Variants in GCNT3 observed in about 807,000 individuals in gnomAD.
The protein encoded by GCNT3 is glucosaminyl (N-acetyl) transferase 3, mucin type.
For missense variants in GCNT3, 708 were observed against 530.3 expected (o/e 1.34, Z -3.29); for synonymous variants, 269 against 195.2 (o/e 1.38, Z -3.15).
rs1890950079 is a variant in GCNT3, at chr15:59,622,266, T to A, written c.*2711T>A. 1 of 150,632 alleles carries A rather than the reference T, an allele frequency of 6.6e-6. No individual in the cohort carries two copies. Among genetic ancestry groups the A allele is most frequent in the African/African-American group, 2.5e-5 (1 of 40,754 alleles). 9.3% of individuals were successfully genotyped at this position (150,632 alleles called of 1,614,324 possible). On this transcript the variant is annotated 3_prime_UTR_variant, in exon 3 of 3. Coordinates refer to ENST00000396065, the MANE Select transcript of GCNT3 (RefSeq NM_004751.3). ...AGGCAGAGGTTGCAGTGAGCTGAGA[T>A]CGTACCACTGCACTCCAGCCTGGGC...
In GCNT3 at chr15:59,619,258, G is replaced by T; in HGVS notation, c.1020G>T (p.Arg340=). Residue 340 remains arginine (R), a synonymous_variant, in exon 3 of 3, where the codon CGG becomes CGT. Transcript: ENST00000396065. The part of the protein sequence containing the change: ...EHLWATLQRA[R]WMPGSVPNHP... Reference sequence around the variant, plus strand: ...TCTGGGCCACCCTTCAGCGTGCACGGTGGATGCCTGGCTCTGTTCCCAACC... The same window carrying T: ...TCTGGGCCACCCTTCAGCGTGCACGTTGGATGCCTGGCTCTGTTCCCAACC... 1 of 1,614,120 alleles carries T rather than the reference G, an allele frequency of 6.2e-7. No individual in the cohort carries two copies. Among genetic ancestry groups the T allele is most frequent in the Non-Finnish European group, 8.5e-7 (1 of 1,180,012 alleles).
chr15:59,618,573 A>T lies in GCNT3; in HGVS notation c.335A>T (p.His112Leu). 6.2e-7 allele frequency: 1 copy of T among 1,614,088 alleles called. No homozygotes were observed. The highest frequency in any genetic ancestry group is 8.5e-7 in the Non-Finnish European group (1 of 1,179,952). ...CTCTCCCTCACCAGAGACTGTGAGC[A>T]CTTCAAGGCTGAAAGGAAGTTCATA... Reference protein sequence around the residue: ...HYLSLTRDCEHFKAERKFIQF... With the variant: ...HYLSLTRDCELFKAERKFIQF... Residue 112 changes from histidine (H) to leucine (L), a missense_variant, in exon 3 of 3, where the codon CAC (histidine) becomes CTC (leucine). Physicochemically the swap from His to Leu is moderately conservative, Grantham distance 99 (BLOSUM62 -3). Transcript: ENST00000396065.
intron 2 of GCNT3, chr15:59,617,906 C>G (rs2082727004): frequency 1.1e-5 from 2 of 190,110 alleles, no homozygotes; most frequent in South Asian, 1.6e-4. Flanking sequence ...GGGACGTGCT[C>G]TTACTAATGA....
chr15:59,618,096 A>AT, intron 2 of GCNT3, 83 bp from the exon 3 acceptor site: 1 of 574,068 alleles, frequency 1.7e-6, no homozygotes, highest in East Asian at 2.7e-5. Flanking sequence ...GGTAAGAAAT[A>AT]TTTTTTGCCA....
chr15:59,615,126 ACT>A (rs773660162), intron 1 of GCNT3: 1 of 151,966 alleles, frequency 6.6e-6, no homozygotes, highest in African/African-American at 2.4e-5. Context: ...TTCTGCTTAA[ACT>A]CTGCCAATAA....
chr15:59,619,439 A>G lies in GCNT3; in HGVS notation c.1201A>G (p.Met401Val). 3 of 1,614,118 alleles carry G rather than the reference A, an allele frequency of 1.9e-6. No homozygotes were observed. Among genetic ancestry groups the G allele is most frequent in the Non-Finnish European group, 1.7e-6 (2 of 1,180,006 alleles). Residue 401 changes from methionine to valine, a missense_variant, in exon 3 of 3, where the codon ATG becomes GTG. Coordinates refer to ENST00000396065, the MANE Select transcript of GCNT3 (RefSeq NM_004751.3). ...CVYGAGDLNW[M>V]LQNHHLLANK... ...TTATGGGGCTGGGGACTTGAATTGG[A>G]TGCTTCAAAACCATCACCTGTTGGC... is the stretch of plus-strand genomic sequence containing the variant.
In GCNT3 at chr15:59,619,499, C is replaced by T. The variant is rs200137024; in HGVS notation, c.1261C>T (p.Leu421Phe). 3 of 1,613,654 alleles carry T rather than the reference C, an allele frequency of 1.9e-6. No individual in the cohort carries two copies. The highest frequency in any genetic ancestry group is 2.7e-5 in the African/African-American group (2 of 75,036). The change falls in exon 3 of 3, where the codon CTT becomes TTT. Residue 421 changes from leucine to phenylalanine, a missense_variant. Physicochemically the swap from Leu to Phe is conservative, Grantham distance 22 (BLOSUM62 0). Coordinates refer to ENST00000396065, the MANE Select transcript of GCNT3 (RefSeq NM_004751.3). ...TGACCCAAAGGTAGATGATAATGCT[C>T]TTCAGTGCTTAGAAGAATACCTACG... is the stretch of plus-strand genomic sequence containing the variant. ...KFDPKVDDNA[L>F]QCLEEYLRYK...
At chr15:59,613,569 TAAATAAATA>T (rs1374783201) in intron 1 of GCNT3, among the ~76,000 whole-genome samples, 1 of 136,536 alleles carries the variant, frequency 7.3e-6, no homozygotes, top group Non-Finnish European at 1.6e-5. Context: ...AATAAATAAA[TAAATAAATA>T]AAAATAAAAA....
rs750606601 is a variant in GCNT3, at chr15:59,618,516, A to AG, written c.279dup (p.Lys94GlufsTer18). ...ATTCTGAATAACCTGGAGGTCAAGA[A>AG]GAAGCGAGAGCCTTTCACAGACACC... On this transcript the variant is annotated frameshift_variant, in exon 3 of 3. Transcript: ENST00000396065. LOFTEE classifies it low-confidence loss of function (END_TRUNC). The AG allele has an allele frequency of 6.2e-7, 1 of 1,614,206 alleles. No homozygotes were observed. The highest frequency in any genetic ancestry group is 8.5e-7 in the Non-Finnish European group (1 of 1,180,032).
chr15:59,618,045 A>G (rs2082727663), intron 2 of GCNT3, 134 bp from the exon 3 acceptor site: 2 of 467,620 alleles, frequency 4.3e-6, no homozygotes, highest in Non-Finnish European at 7.5e-6. Context: ...AACCAGATGT[A>G]AGGGGCTTCT....
In GCNT3 at chr15:59,619,312, T is replaced by G; in HGVS notation, c.1074T>G (p.Thr358=). 6.2e-7 allele frequency: 1 copy of G among 1,614,104 alleles called. No homozygotes were observed. Among genetic ancestry groups the G allele is most frequent in the Non-Finnish European group, 8.5e-7 (1 of 1,180,012 alleles). Residue 358 remains threonine, a synonymous_variant, in exon 3 of 3, where the codon ACT becomes ACG. Coordinates refer to ENST00000396065, the MANE Select transcript of GCNT3 (RefSeq NM_004751.3). ...CCAAGTACGACATCTCAGACATGAC[T>G]TCTATTGCCAGGCTGGTCAAGTGGC... is the stretch of plus-strand genomic sequence containing the variant. ...NHPKYDISDM[T]SIARLVKWQG... is the part of the protein sequence containing the mutation.
At chr15:59,617,454 G>T (rs1309475223) in intron 2 of GCNT3, among the ~76,000 whole-genome samples, 5 of 151,960 alleles carry the variant, frequency 3.3e-5, no homozygotes, top group Non-Finnish European at 5.9e-5. Context: ...ATACATTTCA[G>T]ATTGGTTGTG....
Position 59,621,982 on chromosome 15 carries a change from T to C in GCNT3, c.*2427T>C, listed in dbSNP as rs1370865025. 1.3e-5 allele frequency: 2 copies of C among 152,006 alleles called. No individual in the cohort carries two copies. Among genetic ancestry groups the C allele is most frequent in the Admixed American group, 6.5e-5 (1 of 15,268 alleles). 9.4% of individuals were successfully genotyped at this position (152,006 alleles called of 1,614,324 possible). ...GCAAACCCTGTAACTCTGACAGTTA[T>C]CACTGTGTCTGACACAGTGAATTTT... On this transcript the variant is annotated 3_prime_UTR_variant, in exon 3 of 3. Coordinates refer to ENST00000396065, the MANE Select transcript of GCNT3 (RefSeq NM_004751.3).
At chr15:59,615,579 T>C (rs1251031178) in intron 1 of GCNT3, among the ~76,000 whole-genome samples, 2 of 152,152 alleles carry the variant, frequency 1.3e-5, no homozygotes, top group East Asian at 3.8e-4. Context: ...TTGAGTTCTT[T>C]ATATTAAATT....
At chr15:59,615,648 C>T (rs1258415457) in intron 1 of GCNT3, among the ~76,000 whole-genome samples, 1 of 151,572 alleles carries the variant, frequency 6.6e-6, no homozygotes, top group Admixed American at 6.6e-5. Context: ...TTTGGGAGGC[C>T]GAGGTGGGAG....
In GCNT3 at chr15:59,619,299, T is replaced by C. The variant is rs548744702; in HGVS notation, c.1061T>C (p.Ile354Thr). 6.7e-5 allele frequency: 108 copies of C among 1,614,068 alleles called. 1 individual carries two copies. The South Asian group carries it at 1.2e-3, about 17-fold the overall frequency. The change falls in exon 3 of 3, where the codon ATC (isoleucine) becomes ACC (threonine). Residue 354 changes from isoleucine to threonine, a missense_variant. Transcript: ENST00000396065. ...GTTCCCAACCACCCCAAGTACGACA[T>C]CTCAGACATGACTTCTATTGCCAGG... ...GSVPNHPKYD[I>T]SDMTSIARLV...
Position 59,618,188 on chromosome 15 carries a change from C to G in GCNT3, c.-51C>G, listed in dbSNP as rs572161904. 8.0e-6 allele frequency: 8 copies of G among 1,004,444 alleles called. No homozygotes were observed. Among genetic ancestry groups the G allele is most frequent in the African/African-American group, 1.6e-5 (1 of 62,242 alleles). 62.2% of individuals were successfully genotyped at this position (1,004,444 alleles called of 1,614,324 possible). On this transcript the variant is annotated 5_prime_UTR_variant, in exon 3 of 3. Coordinates refer to ENST00000396065, the MANE Select transcript of GCNT3 (RefSeq NM_004751.3). Reference sequence around the variant, plus strand: ...TTTTGTTCTGTCCAAGGATTGTGTCCTCCTCCACCTTCCCTGTGCTCGGTC... The same window carrying G: ...TTTTGTTCTGTCCAAGGATTGTGTCGTCCTCCACCTTCCCTGTGCTCGGTC...
In GCNT3 at chr15:59,619,594, C is replaced by A; in HGVS notation, c.*39C>A. On this transcript the variant is annotated 3_prime_UTR_variant, in exon 3 of 3. Coordinates refer to ENST00000396065, the MANE Select transcript of GCNT3 (RefSeq NM_004751.3). ...AGCGTTGCTACCTGTGGGGCAAGAG[C>A]ATGTACAAACATGCTCAGAACTTGC... 7.9e-7 allele frequency: 1 copy of A among 1,265,114 alleles called. No individual in the cohort carries two copies. The allele number at this position is 1,265,114 out of a possible 1,614,324, so 78.4% of individuals were successfully genotyped here.
intron 1 of GCNT3, among the ~76,000 whole-genome samples, chr15:59,612,392 GACTT>G (rs2082700341): frequency 6.6e-6 from 1 of 152,150 alleles, no homozygotes; most frequent in South Asian, 2.1e-4. Flanking sequence ...GACTGGGTTG[GACTT>G]ACTTATATTA....
Sources: gnomAD v4.1 joint callset for allele counts (sites outside exome capture counted in the v4.1 genomes callset) on GRCh38, gnomAD v4.1.1 for gene constraint, MANE v1.5 for transcripts, NCBI Gene and HGNC (gene_info 2026-07-23, HGNC 2026-07-21) for gene names.